The following BZW2 variants were observed in gnomAD, a reference collection of about 807,000 sequenced individuals.
BZW2 encodes basic leucine zipper and W2 domains 2.
In BZW2, 23 loss-of-function variants were observed where a neutral mutation model predicts 53.2. The ratio of observed to expected loss-of-function variants is 0.43; its 90% CI spans 0.31 to 0.61. The LOEUF (loss-of-function observed/expected upper bound fraction) is 0.61. Among genes scored for constraint, BZW2 ranks in the 20% least tolerant of loss-of-function variants. BZW2 has a pLI of 0.09. For synonymous variants in BZW2, 227 were observed against 186.4 expected, an observed-to-expected ratio of 1.22 and a Z score of -1.77; for missense variants, 409 against 503.1, an observed-to-expected ratio of 0.81 and a Z score of 1.79.
intron 1 of BZW2, among the ~76,000 whole-genome samples, chr7:16,661,485 G>A (rs112058834): frequency 2.6e-5 from 4 of 152,118 alleles, no homozygotes; most frequent in African/African-American, 9.6e-5. Flanking sequence ...AAAGATGCTA[G>A]GACAGTTAGA....
intron 7 of BZW2, 105 bp downstream of exon 7, chr7:16,690,011 T>G: frequency 1.5e-6 from 1 of 678,542 alleles, no homozygotes; most frequent in East Asian, 3.1e-5. Flanking sequence ...CTGTGTTGAC[T>G]TGGAGCACTG....
At chr7:16,668,660 G>A (rs1562481723) in intron 2 of BZW2, among the ~76,000 whole-genome samples, 1 of 152,192 alleles carries the variant, frequency 6.6e-6, no homozygotes, top group Non-Finnish European at 1.5e-5. Flanking sequence ...CAAGGTCCTT[G>A]TGATAGGCTG....
chr7:16,683,698 C>T (rs10239553), intron 5 of BZW2, among the ~76,000 whole-genome samples: 3,687 of 152,284 alleles, frequency 0.024, 145 homozygotes, highest in African/African-American at 0.083. Context: ...CAATTTGTAA[C>T]TCCTGTATTT....
At chr7:16,702,507 G>A (rs545543152) in intron 10 of BZW2, among the ~76,000 whole-genome samples, 6 of 152,120 alleles carry the variant, frequency 3.9e-5, no homozygotes, top group African/African-American at 1.4e-4. Context: ...GAATATCAAG[G>A]CACAAGATTT....
At chr7:16,702,966 C>G (rs1002708629) in intron 10 of BZW2, among the ~76,000 whole-genome samples, 1 of 152,182 alleles carries the variant, frequency 6.6e-6, no homozygotes, top group Non-Finnish European at 1.5e-5. Flanking sequence ...TCATAAGCAT[C>G]TTAAAGATAA....
At chr7:16,689,938 A>G (rs1202336076) in intron 7 of BZW2, 32 bp downstream of exon 7, 2 of 1,544,058 alleles carry the variant, frequency 1.3e-6, no homozygotes, top group Admixed American at 1.7e-5. Context: ...AGTTGTATGT[A>G]TGATGCCTTT....
intron 10 of BZW2, among the ~76,000 whole-genome samples, chr7:16,702,705 C>A (rs1783707374): frequency 6.6e-6 from 1 of 152,122 alleles, no homozygotes; most frequent in African/African-American, 2.4e-5. Flanking sequence ...CTGCAGTCTA[C>A]ATCAGCTTTC....
intron 3 of BZW2, among the ~76,000 whole-genome samples, chr7:16,676,548 C>T (rs764938713): frequency 2.6e-5 from 4 of 151,138 alleles, no homozygotes; most frequent in African/African-American, 7.3e-5. Context: ...AATATTTTAT[C>T]AAAAATTATG....
At chr7:16,675,024 T>C (rs894019755) in intron 3 of BZW2, among the ~76,000 whole-genome samples, 1 of 151,000 alleles carries the variant, frequency 6.6e-6, no homozygotes, top group Non-Finnish European at 1.5e-5. Context: ...TGAAAAATCA[T>C]TTAAATTTTA....
chr7:16,686,254 G>A (rs752094992), intron 6 of BZW2: 41 of 605,842 alleles, frequency 6.8e-5, no homozygotes, highest in Non-Finnish European at 1.1e-4. Flanking sequence ...ATGCACACCT[G>A]TACAAAGACA....
chr7:16,686,276 A>T, intron 6 of BZW2: 1 of 492,620 alleles, frequency 2.0e-6, no homozygotes, highest in Non-Finnish European at 3.4e-6. Flanking sequence ...ATTAAGAAAG[A>T]CTAATAGCAA....
chr7:16,697,209 C>A, intron 9 of BZW2, 148 bp downstream of exon 9: 2 of 906,012 alleles, frequency 2.2e-6, no homozygotes, highest in Non-Finnish European at 3.2e-6. Context: ...CCCTCCTCAG[C>A]CTCCCAGGTA....
chr7:16,691,417 G>T (rs696281), intron 7 of BZW2, among the ~76,000 whole-genome samples: 32,005 of 152,216 alleles, frequency 0.21, 3,508 homozygotes, highest in East Asian at 0.36. Flanking sequence ...TGAGGCTGTG[G>T]GTTGTCTATA....
At chr7:16,680,126 G>A (rs894814821) in intron 3 of BZW2, among the ~76,000 whole-genome samples, 1 of 152,104 alleles carries the variant, frequency 6.6e-6, no homozygotes, top group African/African-American at 2.4e-5. Flanking sequence ...AACTGGGTTA[G>A]CAAAGGAGGG....
intron 3 of BZW2, among the ~76,000 whole-genome samples, chr7:16,679,666 C>T (rs1339436027): frequency 6.6e-6 from 1 of 152,150 alleles, no homozygotes; most frequent in East Asian, 1.9e-4. Flanking sequence ...GGTGATTATA[C>T]ACTAATACTC....
At chr7:16,688,856 AT>A (rs141123809) in intron 6 of BZW2, among the ~76,000 whole-genome samples, 2 of 151,646 alleles carry the variant, frequency 1.3e-5, no homozygotes, top group South Asian at 2.1e-4. Flanking sequence ...CTTAATAATG[AT>A]TTTTTTTTAA....
chr7:16,695,787 T>A (rs1026226987), intron 8 of BZW2: 1 of 152,148 alleles, frequency 6.6e-6, no homozygotes, highest in African/African-American at 2.4e-5. Flanking sequence ...GCAGCTCACA[T>A]GGTTGAAGCC....
chr7:16,660,977 G>A (rs1284108326), intron 1 of BZW2, among the ~76,000 whole-genome samples: 1 of 152,098 alleles, frequency 6.6e-6, no homozygotes, highest in Non-Finnish European at 1.5e-5. Context: ...GAATTGAGTG[G>A]TTGGAACAGA....
At chr7:16,688,249 AT>A (rs1783192406) in intron 6 of BZW2, among the ~76,000 whole-genome samples, 1 of 152,108 alleles carries the variant, frequency 6.6e-6, no homozygotes, top group South Asian at 2.1e-4. Context: ...GGACTTAAGT[AT>A]TTTTCTCCTG....
Sources: allele counts gnomAD v4.1 joint callset (sites outside exome capture counted in the v4.1 genomes callset), GRCh38; gene constraint gnomAD v4.1.1; transcripts MANE v1.5; gene names NCBI Gene and HGNC (gene_info 2026-07-23, HGNC 2026-07-21).